ZNF699: variants seen among roughly 807,000 people sequenced by gnomAD.
ZNF699 encodes hangover homolog.
Under a neutral mutation model 22.5 loss-of-function variants are expected in ZNF699, and 18 were observed. The observed-to-expected ratio is 0.80, with a 90% CI of 0.55 to 1.19. The LOEUF (loss-of-function observed/expected upper bound fraction) is 1.19, where lower values mean the gene tolerates loss of function less well. Among genes scored for constraint, ZNF699 ranks in the 50% most tolerant of loss-of-function variants. The probability of loss-of-function intolerance (pLI) is 0.00; values close to 1 mark genes in which losing one functional copy is unlikely to be tolerated. For synonymous variants in ZNF699, 241 were observed against 262.3 expected, an observed-to-expected ratio of 0.92 and a Z score of 0.78; for missense variants, 670 against 763.4, an observed-to-expected ratio of 0.88 and a Z score of 1.44.
intron 3 of ZNF699, among the ~76,000 whole-genome samples, chr19:9,299,585 G>A (rs754650018): frequency 1.4e-4 from 21 of 151,922 alleles, no homozygotes; most frequent in African/African-American, 2.2e-4. Flanking sequence ...CTACCAGCGC[G>A]TGCCCCCCAC....
In ZNF699 at chr19:9,296,013, G is replaced by A; in HGVS notation, c.1391C>T (p.Ala464Val). ...CTTTCCAGTGTGATCTCTCACATGT[G>A]CTCTAAAGGACGAGGGACAACTAAA... Reference protein sequence around the residue: ...KAFSCPSSFRAHVRDHTGKIQ... With the variant: ...KAFSCPSSFRVHVRDHTGKIQ... The change falls in exon 6 of 6, where the codon GCA (alanine) becomes GTA (valine). Residue 464 changes from alanine (A) to valine (V), a missense_variant. Ala to Val is a moderately conservative substitution (Grantham distance 64, BLOSUM62 0). Coordinates refer to ENST00000591998, the MANE Select transcript of ZNF699 (RefSeq NM_198535.3). The A allele has an allele frequency of 6.2e-7, 1 of 1,611,296 alleles. No homozygotes were observed. The highest frequency in any genetic ancestry group is 8.5e-7 in the Non-Finnish European group (1 of 1,179,204).
rs1218287485 is a variant in ZNF699 at position 9,293,756 on chromosome 19, C to A, written c.*1719G>T. 2.0e-5 allele frequency among the ~76,000 whole-genome samples: 3 copies of A among 151,868 alleles called. No individual in the cohort carries two copies. The highest frequency in any genetic ancestry group is 7.3e-5 in the African/African-American group (3 of 41,304). ...ACATTGAAGATTAGCACACTTCATG[C>A]ATGTTAGTATATGTATAATAAAATA... On this transcript the variant is annotated 3_prime_UTR_variant, in exon 6 of 6. Coordinates refer to ENST00000591998, the MANE Select transcript of ZNF699 (RefSeq NM_198535.3).
Position 9,295,345 on chromosome 19 carries a change from G to A in ZNF699, c.*130C>T. On this transcript the variant is annotated 3_prime_UTR_variant, in exon 6 of 6. Coordinates refer to ENST00000591998, the MANE Select transcript of ZNF699 (RefSeq NM_198535.3). ...TACATACACAGGGTTTCTCTAAAGTGTCCTCAAATCTTCAAAACGATGAGC... is the reference window on the plus strand; with the variant it reads ...TACATACACAGGGTTTCTCTAAAGTATCCTCAAATCTTCAAAACGATGAGC... The A allele has an allele frequency of 8.2e-7, 1 of 1,221,672 alleles. No individual in the cohort carries two copies. The highest frequency in any genetic ancestry group is 1.1e-6 in the Non-Finnish European group (1 of 882,928). The allele number at this position is 1,221,672 out of a possible 1,614,324, so 75.7% of individuals were successfully genotyped here.
At position 9,295,771 on chromosome 19, in the gene ZNF699, C is replaced by T. The variant is rs565224634; in HGVS notation, c.1633G>A (p.Ala545Thr). The change falls in exon 6 of 6, where the codon GCC becomes ACC. Residue 545 changes from alanine (A) to threonine (T), a missense_variant. Transcript: ENST00000591998. ...TGCGTTCTCATGTGGATCCTAAGGG[C>T]TGAGGGATAAATAAAGGCTTTCCCA... The part of the protein sequence containing the change: ...KCGKAFIYPS[A>T]LRIHMRTHTG... The T allele has an allele frequency of 1.2e-6, 2 of 1,603,942 alleles. No homozygotes were observed. Among genetic ancestry groups the T allele is most frequent in the South Asian group, 1.1e-5 (1 of 90,566 alleles).
chr19:9,309,136 C>CTTTTTTTTTT (rs61471638), intron 1 of ZNF699, among the ~76,000 whole-genome samples: 7 of 104,838 alleles, frequency 6.7e-5, no homozygotes, highest in Non-Finnish European at 7.8e-5. Flanking sequence ...TTTTATTTTA[C>CTTTTTTTTTT]TTTTTTTTTT....
At position 9,295,565 on chromosome 19, in the gene ZNF699, T is replaced by A; in HGVS notation, c.1839A>T (p.Lys613Asn). ...RRHVRSHTGE[K>N]PYECKECGKA... ...TCCCACATTCCTTACATTCATAGGG[T>A]TTCTCTCCAGTGTGGCTTCTCACAT... is the stretch of plus-strand genomic sequence containing the variant. The change falls in exon 6 of 6, where the codon AAA becomes AAT. Residue 613 changes from lysine (K) to asparagine (N), a missense_variant. By Grantham distance (94) the Lys-to-Asn change is moderately conservative. Transcript: ENST00000591998. 6.2e-7 allele frequency: 1 copy of A among 1,613,926 alleles called. No homozygotes were observed. The highest frequency in any genetic ancestry group is 8.5e-7 in the Non-Finnish European group (1 of 1,179,952).
At chr19:9,305,160 A>G in intron 1 of ZNF699, 36 bp from the exon 2 acceptor site, 1 of 1,597,102 alleles carries the variant, frequency 6.3e-7, no homozygotes. Flanking sequence ...AGAAGTTAGA[A>G]TTAAAAAAGG....
intron 2 of ZNF699, 30 bp downstream of exon 2, chr19:9,305,042 T>A: frequency 3.2e-6 from 5 of 1,585,158 alleles, no homozygotes; most frequent in Non-Finnish European, 4.3e-6. Context: ...ATGGAAATAT[T>A]CTTTTGGACA....
Position 9,296,489 on chromosome 19 carries a change from C to T in ZNF699, c.915G>A (p.Lys305=). Residue 305 remains lysine, a synonymous_variant, in exon 6 of 6, where the codon AAG becomes AAA. Coordinates refer to ENST00000591998, the MANE Select transcript of ZNF699 (RefSeq NM_198535.3). ...TCCCACATTCCTTACATTCATAAGG[C>T]TTATCTCCACTGTGAATTCTTTTGT... ...TEHKRIHSGD[K]PYECKECGKA... The T allele has an allele frequency of 3.1e-6, 5 of 1,613,318 alleles. No individual in the cohort carries two copies. The highest frequency in any genetic ancestry group is 4.2e-6 in the Non-Finnish European group (5 of 1,179,828).
intron 1 of ZNF699, among the ~76,000 whole-genome samples, chr19:9,306,412 C>T (rs1461910462): frequency 6.6e-6 from 1 of 151,202 alleles, no homozygotes; most frequent in Admixed American, 6.6e-5. Context: ...AAACACTTGA[C>T]CTGTGTCAGC....
chr19:9,305,266 TACACACAC>T, intron 1 of ZNF699, 142 bp from the exon 2 acceptor site: 1 of 583,448 alleles, frequency 1.7e-6, no homozygotes, highest in Middle Eastern at 2.8e-4. Flanking sequence ...TCAAAACACA[TACACACAC>T]ACACACACAC....
At chr19:9,309,000 C>T (rs2066337398) in intron 1 of ZNF699, among the ~76,000 whole-genome samples, 1 of 152,020 alleles carries the variant, frequency 6.6e-6, no homozygotes, top group African/African-American at 2.4e-5. Context: ...ATCCAGAGAC[C>T]AAATACTATC....
Position 9,293,264 on chromosome 19 carries a change from ACT to A in ZNF699, c.*2209_*2210del, listed in dbSNP as rs1379068897. 1.3e-5 allele frequency among the ~76,000 whole-genome samples: 2 copies of A among 152,100 alleles called. No individual in the cohort carries two copies. The highest frequency in any genetic ancestry group is 4.8e-5 in the African/African-American group (2 of 41,422). On this transcript the variant is annotated 3_prime_UTR_variant, in exon 6 of 6. Transcript: ENST00000591998. ...ATCATTACACATCAGGTAAATGCAC[ACT>A]GTCTGCTGGATGACTATAATCAGAA...
chr19:9,297,114 G>A lies in ZNF699; in HGVS notation c.471-181C>T, dbSNP rs1488561339. On this transcript the variant is annotated intron_variant, in intron 5 of 5. Transcript: ENST00000591998. This position sits in a 1 kb window ranked among gnomAD's most constrained non-coding sequence, Gnocchi z 4.3. Reference sequence around the variant, plus strand: ...TTTCTGATAATTGTTTACAACTGAAGTATGTGTCAAACATTCAAAATCCCG... The same window carrying A: ...TTTCTGATAATTGTTTACAACTGAAATATGTGTCAAACATTCAAAATCCCG... Among the ~76,000 whole-genome samples the A allele has an allele frequency of 1.3e-5, 2 of 152,122 alleles. No homozygotes were observed. Among genetic ancestry groups the A allele is most frequent in the Non-Finnish European group, 1.5e-5 (1 of 68,020 alleles).
chr19:9,296,199 C>T lies in ZNF699; in HGVS notation c.1205G>A (p.Cys402Tyr). Reference sequence around the variant, plus strand: ...CATATGGATACTTAAGGAGGAGGGACAATTGTAGGCTTTCCCACATTCCTT... The same window carrying T: ...CATATGGATACTTAAGGAGGAGGGATAATTGTAGGCTTTCCCACATTCCTT... ...KCKECGKAYN[C>Y]PSSLSIHMRK... The change falls in exon 6 of 6, where the codon TGT becomes TAT. Residue 402 changes from cysteine to tyrosine, a missense_variant. Transcript: ENST00000591998. 6.2e-7 allele frequency: 1 copy of T among 1,613,300 alleles called. No individual in the cohort carries two copies. The highest frequency in any genetic ancestry group is 8.5e-7 in the Non-Finnish European group (1 of 1,179,744).
intron 3 of ZNF699, among the ~76,000 whole-genome samples, chr19:9,298,692 AC>A (rs367909205): frequency 2.0e-4 from 31 of 152,218 alleles, no homozygotes; most frequent in African/African-American, 7.5e-4. Flanking sequence ...ACTTTATGCC[AC>A]CCACAACATA....
chr19:9,302,362 A>G lies in ZNF699; in HGVS notation c.175+16T>C. 2 of 1,613,148 alleles carry G rather than the reference A, an allele frequency of 1.2e-6. No homozygotes were observed. The highest frequency in any genetic ancestry group is 1.7e-6 in the Non-Finnish European group (2 of 1,179,284). On this transcript the variant is annotated intron_variant, in intron 3 of 5. Transcript: ENST00000591998. ...ACTTTCTAAACAACTACATGAAAGAATCTTGCCATTCTTACCTAGTGAGGC... is the reference window on the plus strand; with the variant it reads ...ACTTTCTAAACAACTACATGAAAGAGTCTTGCCATTCTTACCTAGTGAGGC...
chr19:9,304,552 T>C (rs767115102), intron 2 of ZNF699, among the ~76,000 whole-genome samples: 28 of 152,208 alleles, frequency 1.8e-4, no homozygotes, highest in Non-Finnish European at 2.9e-4. Flanking sequence ...AATACAGTTT[T>C]ATTGGAACAC....
At chr19:9,305,351 C>T (rs41375152) in intron 1 of ZNF699, among the ~76,000 whole-genome samples, 6,297 of 152,050 alleles carry the variant, frequency 0.041, 366 homozygotes, top group African/African-American at 0.13. Context: ...AACAACCTTA[C>T]GTCCCCCTAG....
Sources: gnomAD v4.1 joint callset for allele counts (sites outside exome capture counted in the v4.1 genomes callset) on GRCh38, gnomAD v4.1.1 for gene constraint, Gnocchi (gnomAD v3.1) non-coding constraint, MANE v1.5 for transcripts, NCBI Gene and HGNC (gene_info 2026-07-23, HGNC 2026-07-21) for gene names.